The following XKRX variants were observed in gnomAD, a reference collection of about 807,000 sequenced individuals.
The protein encoded by XKRX is XK-related protein 2.
Under a neutral mutation model 22.4 loss-of-function variants are expected in XKRX, and 11 were observed. The observed-to-expected ratio is 0.49, with a 90% CI of 0.31 to 0.81. XKRX has a LOEUF of 0.81. XKRX is among the 40% of genes least tolerant of loss of function. XKRX has a pLI of 0.05. For missense variants in XKRX, 320 were observed against 336.5 expected, an observed-to-expected ratio of 0.95 and a Z score of 0.38; for synonymous variants, 114 against 132.2, an observed-to-expected ratio of 0.86 and a Z score of 0.94.
chrX:100,926,864 T>C (rs1021226621), intron 1 of XKRX, among the ~76,000 whole-genome samples: 5 of 112,127 alleles, frequency 4.5e-5, no homozygotes, highest in Non-Finnish European at 9.4e-5. Flanking sequence ...CGTATCTTTA[T>C]TGCAGAAATA....
the XKRX span, among the ~76,000 whole-genome samples, chrX:100,900,567 C>T: frequency 2.8e-5 from 3 of 108,734 alleles, no homozygotes; most frequent in Non-Finnish European, 3.8e-5. Context: ...TTTGCAGAGC[C>T]GAGGTGGGAG....
chrX:100,897,576 A>G, the XKRX span, among the ~76,000 whole-genome samples: 31 of 89,647 alleles, frequency 3.5e-4, no homozygotes, highest in African/African-American at 1.2e-3. Context: ...AAAAAAAAAA[A>G]TCCCACAAAT....
chrX:100,911,117 C>T (rs2085405499), downstream of XKRX: 4 of 572,674 alleles, frequency 7.0e-6, no homozygotes, highest in Admixed American at 2.2e-5. Flanking sequence ...AAAAGTTATT[C>T]GAACAGGAAA....
At chrX:100,887,884 C>T in the XKRX span, 3 of 1,164,588 alleles carry the variant, frequency 2.6e-6, no homozygotes, top group Non-Finnish European at 3.5e-6. Context: ...CCACTGCCAC[C>T]ATATCCACCA....
upstream of XKRX, among the ~76,000 whole-genome samples, chrX:100,932,448 T>A (rs1215189613): frequency 6.3e-5 from 7 of 111,875 alleles, no homozygotes; most frequent in Non-Finnish European, 1.3e-4. Flanking sequence ...TTTCTCCTCC[T>A]GAGAAGCACT....
downstream of XKRX, among the ~76,000 whole-genome samples, chrX:100,911,803 G>C (rs1050073702): frequency 9.0e-6 from 1 of 111,467 alleles, no homozygotes; most frequent in African/African-American, 3.3e-5. Flanking sequence ...AAGTTCTAAG[G>C]GTTCATTTAC....
the XKRX span, among the ~76,000 whole-genome samples, chrX:100,903,726 C>T: frequency 9.0e-6 from 1 of 111,702 alleles, no homozygotes; most frequent in Non-Finnish European, 1.9e-5. Flanking sequence ...TTTTCATATG[C>T]ACATTTACAT....
At chrX:100,948,848 G>T in the XKRX span, among the ~76,000 whole-genome samples, 17 of 112,479 alleles carry the variant, frequency 1.5e-4, no homozygotes, top group South Asian at 3.7e-4. Context: ...GTGGAACCAG[G>T]CTATGAGAAG....
chrX:100,946,965 C>G, the XKRX span, among the ~76,000 whole-genome samples: 8 of 112,108 alleles, frequency 7.1e-5, no homozygotes, highest in Non-Finnish European at 1.3e-4. Flanking sequence ...AAAATACATC[C>G]AAACCAGAAC....
At chrX:100,932,542 G>A (rs901155679), upstream of XKRX, among the ~76,000 whole-genome samples, 3 of 112,310 alleles carry the variant, frequency 2.7e-5, no homozygotes, top group East Asian at 2.8e-4. Flanking sequence ...AACAAAGAGC[G>A]CATCTAAAAG....
At chrX:100,902,757 AT>A in the XKRX span, among the ~76,000 whole-genome samples, 113 of 103,013 alleles carry the variant, frequency 1.1e-3, no homozygotes, top group East Asian at 7.5e-3. Flanking sequence ...AAGAACATCT[AT>A]TTTTTTTTTT....
chrX:100,896,164 C>T, the XKRX span, among the ~76,000 whole-genome samples: 1 of 111,499 alleles, frequency 9.0e-6, no homozygotes, highest in Non-Finnish European at 1.9e-5. Flanking sequence ...CACATTGCTG[C>T]TGGGAATGCA....
At chrX:100,900,390 T>C in the XKRX span, among the ~76,000 whole-genome samples, 33 of 111,022 alleles carry the variant, frequency 3.0e-4, no homozygotes, top group African/African-American at 1.0e-3. Flanking sequence ...TAATATTACC[T>C]TTCCTCTCCA....
At chrX:100,939,438 T>C in the XKRX span, among the ~76,000 whole-genome samples, 4 of 111,917 alleles carry the variant, frequency 3.6e-5, no homozygotes, top group Admixed American at 9.5e-5. Flanking sequence ...GTAGCTATCG[T>C]GGGTCTTAGC....
the XKRX span, among the ~76,000 whole-genome samples, chrX:100,900,079 C>T: frequency 1.8e-5 from 2 of 111,627 alleles, no homozygotes; most frequent in Non-Finnish European, 3.8e-5. Flanking sequence ...AAGACTTGGC[C>T]GGGTGCAGTG....
chrX:100,917,690 G>GA (rs1205027289), intron 2 of XKRX, among the ~76,000 whole-genome samples: 69 of 95,957 alleles, frequency 7.2e-4, no homozygotes, highest in African/African-American at 2.8e-3. Flanking sequence ...AAGAAAGAAA[G>GA]AAAGAAAGAA....
chrX:100,889,495 G>GC, the XKRX span, among the ~76,000 whole-genome samples: 9 of 110,124 alleles, frequency 8.2e-5, no homozygotes, highest in Non-Finnish European at 1.5e-4. Context: ...CGTCAGCCTT[G>GC]CGAGTAGCCA....
the XKRX span, among the ~76,000 whole-genome samples, chrX:100,906,930 CT>C: frequency 8.9e-6 from 1 of 111,845 alleles, no homozygotes; most frequent in Admixed American, 9.6e-5. Context: ...ATCACCTTTT[CT>C]CTTATAAGGA....
the XKRX span, among the ~76,000 whole-genome samples, chrX:100,958,173 T>C: frequency 2.7e-5 from 3 of 112,415 alleles, no homozygotes; most frequent in African/African-American, 9.7e-5. Flanking sequence ...GGTTAGAATC[T>C]ATGGCTTGAT....
Sources: gnomAD v4.1 joint callset for allele counts (sites outside exome capture counted in the v4.1 genomes callset) on GRCh38, gnomAD v4.1.1 for gene constraint, MANE v1.5 for transcripts, NCBI Gene and HGNC (gene_info 2026-07-23, HGNC 2026-07-21) for gene names.